CDC37: variants seen among roughly 807,000 people sequenced by gnomAD.
The protein encoded by CDC37 is hsp90 co-chaperone Cdc37.
Under a neutral mutation model 46.9 loss-of-function variants are expected in CDC37, and 9 were observed. That is an observed-to-expected ratio of 0.19 (90% CI 0.12 to 0.33). The LOEUF is 0.33. Ranked by LOEUF, CDC37 falls within the 10% of genes least tolerant of loss-of-function variation. The probability of loss-of-function intolerance (pLI) is 1.00; values close to 1 mark genes in which losing one functional copy is unlikely to be tolerated. For synonymous variants in CDC37, 193 were observed against 191.0 expected (o/e 1.01, Z -0.09); for missense variants, 388 against 514.6 (o/e 0.75, Z 2.38).
rs1301762803 is a variant in CDC37, at chr19:10,391,291, C to T, written c.*260G>A. 5 of 500,216 alleles carry T rather than the reference C, an allele frequency of 1.0e-5. No homozygotes were observed. The East Asian group carries it at 1.9e-4, about 19-fold the overall frequency. 31.0% of individuals were successfully genotyped at this position (500,216 alleles called of 1,614,324 possible). ...GTAGACCAGCCTGGTGACCTCTGCC[C>T]TTCCCCGGACCCCCGGGCCTTTGGC... is the stretch of plus-strand genomic sequence containing the variant. On this transcript the variant is annotated 3_prime_UTR_variant, in exon 8 of 8. Coordinates refer to ENST00000222005, the MANE Select transcript of CDC37 (RefSeq NM_007065.4).
chr19:10,402,907 A>G (rs2042527447), intron 1 of CDC37, among the ~76,000 whole-genome samples: 1 of 151,980 alleles, frequency 6.6e-6, no homozygotes, highest in African/African-American at 2.4e-5. Context: ...GATCCCGGAA[A>G]GTAGATCCCG....
Position 10,395,163 on chromosome 19 carries a change from C to A in CDC37, c.604-20G>T. ...ACATTTCTGCCAGGAAGAACAGGCA[C>A]AGCGTCACCAAGTGGCGGCCTCATG... On this transcript the variant is annotated intron_variant, in intron 4 of 7. Coordinates refer to ENST00000222005, the MANE Select transcript of CDC37 (RefSeq NM_007065.4). The A allele has an allele frequency of 6.2e-7, 1 of 1,609,840 alleles. No individual in the cohort carries two copies. Among genetic ancestry groups the A allele is most frequent in the Non-Finnish European group, 8.5e-7 (1 of 1,176,576 alleles).
chr19:10,398,644 G>A lies in CDC37; in HGVS notation c.103-2441C>T, dbSNP rs2042503507. Among the ~76,000 whole-genome samples, 1 of 152,214 alleles carries A rather than the reference G, an allele frequency of 6.6e-6. No homozygotes were observed. Among genetic ancestry groups the A allele is most frequent in the African/African-American group, 2.4e-5 (1 of 41,468 alleles). On this transcript the variant is annotated intron_variant, in intron 1 of 7. Coordinates refer to ENST00000222005, the MANE Select transcript of CDC37 (RefSeq NM_007065.4). The surrounding 1 kb of genome is among the most constrained non-coding windows in gnomAD (Gnocchi z 4.2). ...CCCGAGCCATGTGGGCCCTCAGCAC[G>A]CACCCTTCCTGTACTGGCCAGGGTC...
At chr19:10,391,800 G>C in intron 7 of CDC37, 94 bp from the exon 8 acceptor site, 1 of 1,304,410 alleles carries the variant, frequency 7.7e-7, no homozygotes, top group Non-Finnish European at 1.1e-6. Flanking sequence ...CTGGCTTCCT[G>C]CCTATTGATA....
At chr19:10,397,508 T>TC (rs1390613509) in intron 1 of CDC37, among the ~76,000 whole-genome samples, 1 of 151,310 alleles carries the variant, frequency 6.6e-6, no homozygotes, top group East Asian at 1.9e-4. Context: ...CCTCCCGTGT[T>TC]CAAGCAATTT....
At position 10,393,769 on chromosome 19, in the gene CDC37, CCT is replaced by C. The variant is rs1276779771; in HGVS notation, c.727-330_727-329del. The C allele has an allele frequency of 1.4e-4, 41 of 283,822 alleles. No individual in the cohort carries two copies. In the Admixed American group the frequency reaches 1.5e-3, roughly 10 times the overall value. 17.6% of individuals were successfully genotyped at this position (283,822 alleles called of 1,614,324 possible). Reference sequence around the variant, plus strand: ...TCTCCCTAATCTCGGTAAGGATAGCCCTGTTCCTCCAGGTACGCAGGTTAAAA... The same window carrying C: ...TCTCCCTAATCTCGGTAAGGATAGCCGTTCCTCCAGGTACGCAGGTTAAAA... On this transcript the variant is annotated intron_variant, in intron 5 of 7. Coordinates refer to ENST00000222005, the MANE Select transcript of CDC37 (RefSeq NM_007065.4). The surrounding 1 kb of genome is among the most constrained non-coding windows in gnomAD (Gnocchi z 4.9).
In CDC37 at chr19:10,393,128, G is replaced by A. The variant is rs753526012; in HGVS notation, c.939C>T (p.Asp313=). Residue 313 remains aspartate, a synonymous_variant, in exon 7 of 8, where the codon GAC becomes GAT. Coordinates refer to ENST00000222005, the MANE Select transcript of CDC37 (RefSeq NM_007065.4). The surrounding 1 kb of genome is among the most constrained non-coding windows in gnomAD (Gnocchi z 4.9). ...TGATGGCGTCCTGCAGCATCTGCAC[G>A]TCCTTCACATCGAAGCACTTCTGGA... The part of the protein sequence containing the change: ...EELQKCFDVK[D]VQMLQDAISK... 69 of 1,613,960 alleles carry A rather than the reference G, an allele frequency of 4.3e-5. No individual in the cohort carries two copies. The highest frequency in any genetic ancestry group is 6.6e-5 in the South Asian group (6 of 91,084).
rs1406616370 is a variant in CDC37 at position 10,391,534 on chromosome 19, G to A, written c.*17C>T. 1.9e-6 allele frequency: 3 copies of A among 1,614,034 alleles called. No individual in the cohort carries two copies. The highest frequency in any genetic ancestry group is 1.1e-5 in the South Asian group (1 of 91,080). On this transcript the variant is annotated 3_prime_UTR_variant, in exon 8 of 8. Transcript: ENST00000222005. Reference sequence around the variant, plus strand: ...CATAGGGGCCTGGAAGCAGGTGGCGGTGGTAGCTGGGGCAGGTCACACACT... The same window carrying A: ...CATAGGGGCCTGGAAGCAGGTGGCGATGGTAGCTGGGGCAGGTCACACACT...
intron 1 of CDC37, among the ~76,000 whole-genome samples, chr19:10,403,059 T>C (rs539179360): frequency 2.6e-5 from 4 of 152,034 alleles, no homozygotes; most frequent in African/African-American, 9.7e-5. Context: ...GTTCTGGGTA[T>C]AAATGTTAAC....
chr19:10,402,693 G>A (rs902951742), intron 1 of CDC37, among the ~76,000 whole-genome samples: 2 of 152,172 alleles, frequency 1.3e-5, no homozygotes, highest in Admixed American at 6.5e-5. Context: ...TCGGGTTGGA[G>A]CTGGTAGTTA....
Position 10,398,038 on chromosome 19 carries a change from G to C in CDC37, c.103-1835C>G, listed in dbSNP as rs1420288627. 1.3e-5 allele frequency among the ~76,000 whole-genome samples: 2 copies of C among 152,174 alleles called. No individual in the cohort carries two copies. The highest frequency in any genetic ancestry group is 2.4e-5 in the African/African-American group (1 of 41,428). On this transcript the variant is annotated intron_variant, in intron 1 of 7. Coordinates refer to ENST00000222005, the MANE Select transcript of CDC37 (RefSeq NM_007065.4). This position sits in a 1 kb window ranked among gnomAD's most constrained non-coding sequence, Gnocchi z 4.2. ...ACCTCAGTGGAGGCTGCTCTATCCAGAGCCACTAATCAAACCCTGAAACCC... is the reference window on the plus strand; with the variant it reads ...ACCTCAGTGGAGGCTGCTCTATCCACAGCCACTAATCAAACCCTGAAACCC...
chr19:10,403,521 G>A lies in CDC37; in HGVS notation c.-42C>T. ...AGCCCGCTCCGGCTCGGGTGGCGGC[G>A]ACGGCGGCAGCAGTGGAGACTAGGA... On this transcript the variant is annotated 5_prime_UTR_variant, in exon 1 of 8. Transcript: ENST00000222005. 6.7e-7 allele frequency: 1 copy of A among 1,489,332 alleles called. No individual in the cohort carries two copies. 92.3% of individuals were successfully genotyped at this position (1,489,332 alleles called of 1,614,324 possible).
At chr19:10,392,975 T>C (rs758493520) in intron 7 of CDC37, 111 bp downstream of exon 7, 2 of 932,270 alleles carry the variant, frequency 2.1e-6, no homozygotes. Flanking sequence ...CCTTACTCCT[T>C]GGAGAAGCCT....
At chr19:10,395,565 A>T (rs771511787) in intron 2 of CDC37, 22 bp from the exon 3 acceptor site, 1 of 1,577,420 alleles carries the variant, frequency 6.3e-7, no homozygotes, top group Non-Finnish European at 8.7e-7. Context: ...TGAGAGGGGG[A>T]GTGGGCTGGG....
chr19:10,395,829 C>A (rs905460578), intron 2 of CDC37, 99 bp downstream of exon 2: 7 of 1,367,286 alleles, frequency 5.1e-6, no homozygotes, highest in Admixed American at 1.9e-5. Flanking sequence ...AACTACACCA[C>A]CGGGGTCCTC....
Position 10,393,593 on chromosome 19 carries a change from T to C in CDC37, c.727-152A>G. 2 of 743,718 alleles carry C rather than the reference T, an allele frequency of 2.7e-6. No individual in the cohort carries two copies. The highest frequency in any genetic ancestry group is 4.1e-6 in the Non-Finnish European group (2 of 485,678). 46.1% of individuals were successfully genotyped at this position (743,718 alleles called of 1,614,324 possible). ...ATGAAGGGCTCCCCAAGGCCTGGGC[T>C]CCCCCGCCGGGGACCTCATCTGGCA... is the stretch of plus-strand genomic sequence containing the variant. On this transcript the variant is annotated intron_variant, in intron 5 of 7. Transcript: ENST00000222005. The surrounding 1 kb of genome is among the most constrained non-coding windows in gnomAD (Gnocchi z 4.9).
rs761093540 is a variant in CDC37, at chr19:10,391,702, G to A, written c.986C>T (p.Ala329Val). Residue 329 changes from alanine to valine, a missense_variant, in exon 8 of 8, where the codon GCA becomes GTA. By Grantham distance (64) the Ala-to-Val change is moderately conservative. Around this residue, in one of 2 missense-constraint regions of CDC37, gnomAD observed 374 missense variants for 467.4 expected, o/e 0.80. Coordinates refer to ENST00000222005, the MANE Select transcript of CDC37 (RefSeq NM_007065.4). ...AATGCAGCGCTGCATGTGGTACTTT[G>A]CGTCCTGTGAGGAGAAGGCAGGCAG... ...DAISKMDPTDAKYHMQRCIDS... is the reference protein window; with the variant it reads ...DAISKMDPTDVKYHMQRCIDS... 6 of 1,612,352 alleles carry A rather than the reference G, an allele frequency of 3.7e-6. No homozygotes were observed. The highest frequency in any genetic ancestry group is 5.1e-6 in the Non-Finnish European group (6 of 1,179,338).
intron 1 of CDC37, 107 bp downstream of exon 1, chr19:10,403,271 G>C (rs2042529844): frequency 3.8e-6 from 3 of 794,160 alleles, no homozygotes; most frequent in Non-Finnish European, 6.2e-6. Context: ...CAGACTGGGG[G>C]GGTGAGAATC....
At chr19:10,394,980 G>T (rs2042479281) in intron 5 of CDC37, 41 bp downstream of exon 5, 1 of 1,509,272 alleles carries the variant, frequency 6.6e-7, no homozygotes, top group South Asian at 1.4e-5. Context: ...TGGTTCCCTG[G>T]GGAGGGGGCC....
Sources: allele counts gnomAD v4.1 joint callset (sites outside exome capture counted in the v4.1 genomes callset), GRCh38; gene constraint gnomAD v4.1.1; regional missense constraint gnomAD v4.1.1; non-coding constraint Gnocchi (gnomAD v3.1); transcripts MANE v1.5; gene names NCBI Gene and HGNC (gene_info 2026-07-23, HGNC 2026-07-21).